CRB1: variants seen among roughly 807,000 people sequenced by gnomAD.
The protein encoded by CRB1 is crumbs cell polarity complex component 1, also known as protein crumbs homolog 1.
Under a neutral mutation model 120.0 loss-of-function variants are expected in CRB1, and 83 were observed. The observed-to-expected ratio is 0.69, with a 90% CI of 0.58 to 0.83. CRB1 has a LOEUF of 0.83. Among genes scored for constraint, CRB1 ranks in the 40% least tolerant of loss-of-function variants. The pLI, the probability that CRB1 is intolerant of heterozygous loss-of-function variation, is 0.00. For missense variants in CRB1, 1,699 were observed against 1,687.6 expected, an observed-to-expected ratio of 1.01 and a Z score of -0.12; for synonymous variants, 625 against 612.5, an observed-to-expected ratio of 1.02 and a Z score of -0.30.
rs182013226 is a variant in CRB1, at chr1:197,416,717, T to A, written c.1172-4283T>A. Among the ~76,000 whole-genome samples the A allele has an allele frequency of 9.7e-3, 1,481 of 152,228 alleles. 10 individuals are homozygous for A. Among genetic ancestry groups the A allele is most frequent in the Non-Finnish European group, 0.014 (943 of 68,004 alleles). On this transcript the variant is annotated intron_variant, in intron 5 of 11. Transcript: ENST00000367400. The stretch of plus-strand genomic sequence containing the variant: ...TTTATTTTTTATTTTATTTTATTTA[T>A]TTATTATTTTGAGACAGAGTCTCGC...
chr1:197,466,146 C>G (rs1405258920), intron 11 of CRB1, among the ~76,000 whole-genome samples: 1 of 152,198 alleles, frequency 6.6e-6, no homozygotes, highest in Non-Finnish European at 1.5e-5. Context: ...GGAGTTGGCA[C>G]TGCTACCATC....
chr1:197,277,878 C>T (rs1248728929), intron 1 of CRB1, among the ~76,000 whole-genome samples: 2 of 151,792 alleles, frequency 1.3e-5, no homozygotes, highest in Admixed American at 6.6e-5. Flanking sequence ...CATGATTATT[C>T]TAGGTAATCG....
chr1:197,441,828 A>G (rs1464225559), intron 10 of CRB1: 1 of 312,060 alleles, frequency 3.2e-6, no homozygotes, highest in African/African-American at 2.2e-5. Flanking sequence ...GAACATTTAT[A>G]TAAGGTGGCA....
chr1:197,297,163 G>A (rs1402241431), intron 1 of CRB1, among the ~76,000 whole-genome samples: 2 of 151,628 alleles, frequency 1.3e-5, no homozygotes, highest in Non-Finnish European at 2.9e-5. Flanking sequence ...CATCTGAAAC[G>A]CCATCAACTG....
intron 2 of CRB1, among the ~76,000 whole-genome samples, chr1:197,341,180 G>T (rs955137811): frequency 6.6e-6 from 1 of 152,140 alleles, no homozygotes; most frequent in African/African-American, 2.4e-5. Flanking sequence ...ATGCCTGTGA[G>T]ATAACTCAAT....
At chr1:197,399,494 A>G (rs1033943356) in intron 5 of CRB1, among the ~76,000 whole-genome samples, 2 of 152,148 alleles carry the variant, frequency 1.3e-5, no homozygotes, top group African/African-American at 4.8e-5. Context: ...AAATCGTTCA[A>G]TCTCTTTGAG....
At chr1:197,310,285 G>A (rs1052188848) in intron 1 of CRB1, among the ~76,000 whole-genome samples, 63 of 152,208 alleles carry the variant, frequency 4.1e-4, no homozygotes, top group Admixed American at 6.5e-4. Flanking sequence ...TTTCGGAATA[G>A]AAAAATATAA....
At chr1:197,445,163 C>A (rs1232987673) in intron 11 of CRB1, among the ~76,000 whole-genome samples, 1 of 152,142 alleles carries the variant, frequency 6.6e-6, no homozygotes, top group Non-Finnish European at 1.5e-5. Context: ...GCTGTTTTAC[C>A]TAAATGACAG....
chr1:197,314,236 G>A (rs1205157519), intron 1 of CRB1, among the ~76,000 whole-genome samples: 1 of 152,102 alleles, frequency 6.6e-6, no homozygotes, highest in Non-Finnish European at 1.5e-5. Context: ...CCATTCTTCA[G>A]ATTATGTAAT....
At chr1:197,471,489 T>A (rs754045870) in intron 11 of CRB1, among the ~76,000 whole-genome samples, 6 of 152,068 alleles carry the variant, frequency 3.9e-5, no homozygotes, top group Non-Finnish European at 8.8e-5. Context: ...GCAGTGCAGA[T>A]CCCTCCCTCC....
At chr1:197,292,560 G>A (rs575693535) in intron 1 of CRB1, among the ~76,000 whole-genome samples, 3 of 152,170 alleles carry the variant, frequency 2.0e-5, no homozygotes, top group East Asian at 3.9e-4. Context: ...CTCATTTTAT[G>A]AGGCCAGCAT....
intron 11 of CRB1, among the ~76,000 whole-genome samples, chr1:197,450,057 G>A (rs1040552499): frequency 5.3e-5 from 8 of 152,130 alleles, no homozygotes; most frequent in Non-Finnish European, 1.2e-4. Context: ...AGTGCCCTCC[G>A]CTCTGCTTAG....
intron 11 of CRB1, among the ~76,000 whole-genome samples, chr1:197,461,694 T>C (rs1026055418): frequency 6.6e-6 from 1 of 152,144 alleles, no homozygotes; most frequent in African/African-American, 2.4e-5. Context: ...TTACATTCTC[T>C]TGGTTAAAAG....
intron 1 of CRB1, among the ~76,000 whole-genome samples, chr1:197,317,028 A>G (rs1013619886): frequency 2.6e-5 from 4 of 152,208 alleles, no homozygotes; most frequent in African/African-American, 7.2e-5. Context: ...GAAGACACAT[A>G]TATCTCATGT....
In CRB1 at chr1:197,460,001, C is replaced by CTTTTTTTTTTTTTTTTT. The variant is rs10679172; in HGVS notation, c.4006-17657_4006-17641dup. ...AGTAAGTCTTGCTTTAAGCCCCCCTCTTTTTTTTTTTTTTTTTTTTTTACT... is the reference window on the plus strand; with the variant it reads ...AGTAAGTCTTGCTTTAAGCCCCCCTCTTTTTTTTTTTTTTTTTTTTTTTTTTTTTTTTTTTTTTTACT... On this transcript the variant is annotated intron_variant, in intron 11 of 11. Transcript: ENST00000367400. Among the ~76,000 whole-genome samples, 12 of 75,646 alleles carry CTTTTTTTTTTTTTTTTT rather than the reference C, an allele frequency of 1.6e-4. No individual in the cohort carries two copies. In the East Asian group the frequency reaches 1.6e-3, roughly 10 times the overall value. 49.6% of individuals were successfully genotyped at this position (75,646 alleles called of 152,430 possible).
chr1:197,478,050 C>G lies in CRB1; in HGVS notation c.*171C>G, dbSNP rs1036503792. The G allele has an allele frequency of 1.9e-4, 132 of 705,286 alleles. No homozygotes were observed. The East Asian group carries it at 3.6e-3, about 19-fold the overall frequency. The allele number at this position is 705,286 out of a possible 1,614,324, so 43.7% of individuals were successfully genotyped here. ...ACTTTCACAGTGGTTCCGCTCGACACCATTGTTTTATTATATTATATCAGC... is the reference window on the plus strand; with the variant it reads ...ACTTTCACAGTGGTTCCGCTCGACAGCATTGTTTTATTATATTATATCAGC... On this transcript the variant is annotated 3_prime_UTR_variant, in exon 12 of 12. Coordinates refer to ENST00000367400, the MANE Select transcript of CRB1 (RefSeq NM_201253.3).
At chr1:197,467,051 A>G (rs1375540182) in intron 11 of CRB1, among the ~76,000 whole-genome samples, 1 of 152,218 alleles carries the variant, frequency 6.6e-6, no homozygotes, top group Non-Finnish European at 1.5e-5. Flanking sequence ...ATTGTGCAAT[A>G]AAAGTGTAGA....
chr1:197,258,629 T>G, the CRB1 span, among the ~76,000 whole-genome samples: 1 of 152,144 alleles, frequency 6.6e-6, no homozygotes, highest in African/African-American at 2.4e-5. Flanking sequence ...AATGTCCTGG[T>G]TATTTCTCTT....
the CRB1 span, among the ~76,000 whole-genome samples, chr1:197,201,577 C>G: frequency 6.6e-6 from 1 of 152,184 alleles, no homozygotes. Context: ...GTGGCCTACC[C>G]CGATCGAAAC....
Sources: gnomAD v4.1 joint callset for allele counts (sites outside exome capture counted in the v4.1 genomes callset) on GRCh38, gnomAD v4.1.1 for gene constraint, MANE v1.5 for transcripts, NCBI Gene and HGNC (gene_info 2026-07-23, HGNC 2026-07-21) for gene names.